Variants in WDR43 observed in about 807,000 individuals in gnomAD.
The protein encoded by WDR43 is WD repeat-containing protein 43.
A neutral mutation model predicts 91.4 loss-of-function variants in WDR43; 13 were observed. That is an observed-to-expected ratio of 0.14 (90% CI 0.09 to 0.23). The LOEUF (loss-of-function observed/expected upper bound fraction) is 0.23, where lower values mean the gene tolerates loss of function less well. Ranked by LOEUF, WDR43 falls within the 10% of genes least tolerant of loss-of-function variation. The pLI is 1.00. For synonymous variants in WDR43, 331 were observed against 287.9 expected, an observed-to-expected ratio of 1.15 and a Z score of -1.51; for missense variants, 780 against 809.4, an observed-to-expected ratio of 0.96 and a Z score of 0.44.
chr2:28,926,686 TG>T, intron 9 of WDR43, 132 bp downstream of exon 9: 2 of 820,338 alleles, frequency 2.4e-6, no homozygotes, highest in Non-Finnish European at 3.6e-6. Flanking sequence ...TTATAAATTT[TG>T]TGGGATTATG....
intron 5 of WDR43, among the ~76,000 whole-genome samples, chr2:28,914,675 C>T (rs1011160187): frequency 6.6e-6 from 1 of 152,138 alleles, no homozygotes; most frequent in Non-Finnish European, 1.5e-5. Flanking sequence ...TCATGCCTGT[C>T]ATCCCAGCAC....
chr2:28,905,890 C>T (rs1670669689), intron 2 of WDR43, among the ~76,000 whole-genome samples: 1 of 151,896 alleles, frequency 6.6e-6, no homozygotes, highest in South Asian at 2.1e-4. Context: ...TGGTCCTGAC[C>T]TCAGGTGATC....
At chr2:28,912,359 A>G (rs1670819104) in intron 3 of WDR43, among the ~76,000 whole-genome samples, 1 of 152,164 alleles carries the variant, frequency 6.6e-6, no homozygotes, top group Admixed American at 6.5e-5. Flanking sequence ...TCTTTATCCC[A>G]TGCCTGCCAA....
At chr2:28,941,384 A>G in intron 14 of WDR43, 77 bp from the exon 15 acceptor site, 3 of 1,104,604 alleles carry the variant, frequency 2.7e-6, no homozygotes, top group Non-Finnish European at 4.0e-6. Flanking sequence ...CTAAATACTG[A>G]GGCATAGCTG....
intron 1 of WDR43, among the ~76,000 whole-genome samples, chr2:28,900,906 AT>A (rs1354556416): frequency 6.6e-6 from 1 of 152,118 alleles, no homozygotes; most frequent in Non-Finnish European, 1.5e-5. Context: ...TAAATGTAAA[AT>A]CCCCCTAGGA....
chr2:28,929,594 C>G lies in WDR43; in HGVS notation c.1321C>G (p.Arg441Gly). Residue 441 changes from arginine (R) to glycine (G), a missense_variant, in exon 11 of 18, where the codon CGT (arginine) becomes GGT (glycine). Arg to Gly is a moderately radical substitution (Grantham distance 125). Coordinates refer to ENST00000407426, the MANE Select transcript of WDR43 (RefSeq NM_015131.3). ...TGTTCTGTAGGTTAGCATTGAAGAA[C>G]GTCTGGGAGCAATGGATATAGACAC... ...SGGNEVSIEE[R>G]LGAMDIDTHK... is the part of the protein sequence containing the mutation. 6.2e-7 allele frequency: 1 copy of G among 1,611,398 alleles called. No individual in the cohort carries two copies. The highest frequency in any genetic ancestry group is 8.5e-7 in the Non-Finnish European group (1 of 1,178,720).
chr2:28,908,411 C>G (rs975874536), intron 3 of WDR43, among the ~76,000 whole-genome samples: 18 of 152,174 alleles, frequency 1.2e-4, no homozygotes, highest in Admixed American at 3.9e-4. Flanking sequence ...GTAGCAGACA[C>G]AGTAGTTTCT....
intron 3 of WDR43, among the ~76,000 whole-genome samples, chr2:28,909,506 T>C (rs1043388736): frequency 6.6e-5 from 10 of 152,140 alleles, no homozygotes; most frequent in African/African-American, 2.4e-4. Flanking sequence ...TTGGCCTCTT[T>C]TATGTTTAAG....
At chr2:28,933,691 C>T (rs1671288951) in intron 11 of WDR43, among the ~76,000 whole-genome samples, 1 of 152,142 alleles carries the variant, frequency 6.6e-6, no homozygotes, top group Admixed American at 6.5e-5. Context: ...ATAGACACTT[C>T]ACAATAGAAT....
chr2:28,942,944 CTT>C (rs1174426857), intron 16 of WDR43, among the ~76,000 whole-genome samples: 1 of 151,814 alleles, frequency 6.6e-6, no homozygotes, highest in East Asian at 1.9e-4. Context: ...TATGAACAAA[CTT>C]AGTGTAAATA....
chr2:28,910,318 G>A (rs980306435), intron 3 of WDR43, among the ~76,000 whole-genome samples: 8 of 152,186 alleles, frequency 5.3e-5, no homozygotes, highest in Non-Finnish European at 8.8e-5. Context: ...ATGTATCAAC[G>A]TAGTAAGTAT....
At chr2:28,946,367 C>A in intron 16 of WDR43, 83 bp from the exon 17 acceptor site, 3 of 1,277,096 alleles carry the variant, frequency 2.3e-6, no homozygotes, top group South Asian at 1.7e-5. Flanking sequence ...AAAGTAAATT[C>A]AGGAATCTGG....
Position 28,926,572 on chromosome 2 carries a change from T to C in WDR43, c.1173+18T>C, listed in dbSNP as rs1439085789. The C allele has an allele frequency of 6.4e-7, 1 of 1,559,944 alleles. No individual in the cohort carries two copies. The highest frequency in any genetic ancestry group is 2.3e-5 in the East Asian group (1 of 43,374). ...TAACAAAGGTGAGCACATTACAAAT[T>C]TGAAGTTTTAAGAAAAAGAATATTT... On this transcript the variant is annotated intron_variant, in intron 9 of 17. Coordinates refer to ENST00000407426, the MANE Select transcript of WDR43 (RefSeq NM_015131.3).
At chr2:28,932,273 C>A (rs1671262805) in intron 11 of WDR43, among the ~76,000 whole-genome samples, 1 of 152,124 alleles carries the variant, frequency 6.6e-6, no homozygotes, top group South Asian at 2.1e-4. Flanking sequence ...AAGCGATTCT[C>A]CTGCCTCAGC....
chr2:28,926,715 T>C (rs538506710), intron 9 of WDR43, among the ~76,000 whole-genome samples, 161 bp downstream of exon 9: 3 of 152,308 alleles, frequency 2.0e-5, no homozygotes, highest in African/African-American at 7.2e-5. Flanking sequence ...ATGTCAAGAT[T>C]GTACTCCTGA....
intron 1 of WDR43, among the ~76,000 whole-genome samples, chr2:28,900,283 G>C (rs1294350386): frequency 6.6e-6 from 1 of 152,070 alleles, no homozygotes; most frequent in East Asian, 1.9e-4. Flanking sequence ...TGCCTCCCGG[G>C]TTCAAGCAAT....
chr2:28,898,542 G>A (rs1670523761), intron 1 of WDR43, among the ~76,000 whole-genome samples: 1 of 152,170 alleles, frequency 6.6e-6, no homozygotes, highest in Non-Finnish European at 1.5e-5. Context: ...CACATGCAGT[G>A]GCAGTGAGAT....
Position 28,946,739 on chromosome 2 carries a change from A to G in WDR43, c.1994A>G (p.Asp665Gly), listed in dbSNP as rs191060248. 184 of 1,586,954 alleles carry G rather than the reference A, an allele frequency of 1.2e-4. No homozygotes were observed. In the East Asian group the frequency reaches 3.3e-3, roughly 28 times the overall value. The change falls in exon 18 of 18, where the codon GAT becomes GGT. Residue 665 changes from aspartate (D) to glycine (G), a missense_variant. By Grantham distance (94) the Asp-to-Gly change is moderately conservative (BLOSUM62 -1). This residue lies in a region of WDR43 where 426 missense variants were observed against 467.8 expected (regional missense o/e 0.91). Coordinates refer to ENST00000407426, the MANE Select transcript of WDR43 (RefSeq NM_015131.3). ...GCAAGTGAAAAAGAATTAAATGGAG[A>G]TTCTGATTTAGATCCTGAAAATGAA... ...DTASEKELNG[D>G]SDLDPENESE...
At chr2:28,907,445 A>C (rs1670703036) in intron 3 of WDR43, among the ~76,000 whole-genome samples, 2 of 97,776 alleles carry the variant, frequency 2.0e-5, no homozygotes, top group Non-Finnish European at 1.9e-5. Context: ...CCACCTCTTT[A>C]CAAAAAAAAA....
Sources: allele counts gnomAD v4.1 joint callset (sites outside exome capture counted in the v4.1 genomes callset), GRCh38; gene constraint gnomAD v4.1.1; regional missense constraint gnomAD v4.1.1; transcripts MANE v1.5; gene names NCBI Gene and HGNC (gene_info 2026-07-23, HGNC 2026-07-21).